The following MYO5C variants were observed in gnomAD, a reference collection of about 807,000 sequenced individuals.
The protein encoded by MYO5C is myosin VC.
MYO5C carries 194 observed loss-of-function variants against 235.7 expected under a neutral mutation model. The ratio of observed to expected loss-of-function variants is 0.82; its 90% CI spans 0.73 to 0.93. The LOEUF (loss-of-function observed/expected upper bound fraction) is 0.93, where lower values mean the gene tolerates loss of function less well. Among genes scored for constraint, MYO5C ranks in the 40% least tolerant of loss-of-function variants. The probability of loss-of-function intolerance (pLI) is 0.00; values close to 1 mark genes in which losing one functional copy is unlikely to be tolerated. For missense variants in MYO5C, 2,038 were observed against 2,127.2 expected, an observed-to-expected ratio of 0.96 and a Z score of 0.82; for synonymous variants, 707 against 754.8, an observed-to-expected ratio of 0.94 and a Z score of 1.04.
chr15:52,221,135 AAGC>A (rs768613740), intron 30 of MYO5C, 24 bp downstream of exon 30: 5 of 1,570,252 alleles, frequency 3.2e-6, no homozygotes, highest in Non-Finnish European at 4.4e-6. Flanking sequence ...CGTTTTCTAA[AAGC>A]AGGTTAATGA....
At chr15:52,245,904 A>G in intron 17 of MYO5C, 52 bp downstream of exon 17, 1 of 1,524,422 alleles carries the variant, frequency 6.6e-7, no homozygotes. Context: ...GGTTCTCAGC[A>G]TAGCTCTGAT....
rs1566969017 is a variant in MYO5C at position 52,225,121 on chromosome 15, T to C, written c.3319A>G (p.Thr1107Ala). The stretch of plus-strand genomic sequence containing the variant: ...TCATAGCTTTCGAGAAGTTGTTTGG[T>C]GATCTCTGACATCTTTTCTGAAAGG... ...REMREKMSEITKQLLESYDIE... is the reference protein window; with the variant it reads ...REMREKMSEIAKQLLESYDIE... Residue 1107 changes from threonine to alanine, a missense_variant, in exon 27 of 41, where the codon ACC becomes GCC. By Grantham distance (58) the Thr-to-Ala change is moderately conservative (BLOSUM62 0). Coordinates refer to ENST00000261839, the MANE Select transcript of MYO5C (RefSeq NM_018728.4). 6.2e-7 allele frequency: 1 copy of C among 1,614,122 alleles called. No individual in the cohort carries two copies. Among genetic ancestry groups the C allele is most frequent in the Non-Finnish European group, 8.5e-7 (1 of 1,180,008 alleles).
intron 13 of MYO5C, 132 bp downstream of exon 13, chr15:52,251,258 A>T: frequency 1.2e-6 from 1 of 821,734 alleles, no homozygotes; most frequent in Non-Finnish European, 1.8e-6. Flanking sequence ...AGGAACTGTT[A>T]AACACACACT....
intron 36 of MYO5C, among the ~76,000 whole-genome samples, chr15:52,207,502 C>A (rs555839971): frequency 1.3e-5 from 2 of 152,262 alleles, no homozygotes; most frequent in East Asian, 1.9e-4. Context: ...AACTGGTTAT[C>A]TATATGGAAG....
Position 52,279,674 on chromosome 15 carries a change from C to T in MYO5C, c.139G>A (p.Glu47Lys). 1 of 1,602,908 alleles carries T rather than the reference C, an allele frequency of 6.2e-7. No homozygotes were observed. The highest frequency in any genetic ancestry group is 1.1e-5 in the South Asian group (1 of 90,668). The change falls in exon 3 of 41, where the codon GAG becomes AAG. Residue 47 changes from glutamate (E) to lysine (K), a missense_variant and splice_region_variant. By Grantham distance (56) the Glu-to-Lys change is moderately conservative (BLOSUM62 1). Transcript: ENST00000261839. ...VLRLLLEDGT[E>K]LDYSVNPESL... ...TCTGGATTGACAGAATAATCCAGCT[C>T]CTATGGACAAAGATAAAAATTAAAG...
chr15:52,221,940 G>C (rs1389121862), intron 29 of MYO5C, among the ~76,000 whole-genome samples: 1 of 152,168 alleles, frequency 6.6e-6, no homozygotes, highest in Non-Finnish European at 1.5e-5. Context: ...TATGCATTTA[G>C]TAGAAACCAT....
At chr15:52,195,491 G>T in intron 39 of MYO5C, 34 bp from the exon 40 acceptor site, 2 of 1,395,380 alleles carry the variant, frequency 1.4e-6, no homozygotes, top group Non-Finnish European at 2.0e-6. Flanking sequence ...GTTAGACCAT[G>T]CAAAATAATA....
Position 52,204,959 on chromosome 15 carries a change from C to A in MYO5C, c.4726G>T (p.Val1576Leu), listed in dbSNP as rs756503002. ...CCGATCAAGAAGAAGAGCTGCTTCA[C>A]CGCCTGCCTCACAAGCTCGGGGTCC... ...GLDPELVRQA[V>L]KQLFFLIGAV... Residue 1576 changes from valine (V) to leucine (L), a missense_variant, in exon 38 of 41, where the codon GTG (valine) becomes TTG (leucine). By Grantham distance (32) the Val-to-Leu change is conservative (BLOSUM62 1). Coordinates refer to ENST00000261839, the MANE Select transcript of MYO5C (RefSeq NM_018728.4). 6.2e-7 allele frequency: 1 copy of A among 1,614,254 alleles called. No homozygotes were observed. Among genetic ancestry groups the A allele is most frequent in the East Asian group, 2.2e-5 (1 of 44,876 alleles).
At chr15:52,194,694 CTT>C (rs1317683612) in intron 40 of MYO5C, among the ~76,000 whole-genome samples, 23 of 151,482 alleles carry the variant, frequency 1.5e-4, no homozygotes, top group Non-Finnish European at 2.8e-4. Flanking sequence ...TCATGTCTGA[CTT>C]AATATATTAT....
intron 1 of MYO5C, 30 bp downstream of exon 1, chr15:52,295,580 C>A (rs1382414826): frequency 1.3e-6 from 2 of 1,500,816 alleles, no homozygotes; most frequent in Admixed American, 2.2e-5. Flanking sequence ...TCCCCCACAG[C>A]GCTCCCAGGA....
At position 52,211,813 on chromosome 15, in the gene MYO5C, GCA is replaced by G; in HGVS notation, c.4211_4212del (p.Val1404AlafsTer8). On this transcript the variant is annotated frameshift_variant, in exon 35 of 41. Coordinates refer to ENST00000261839, the MANE Select transcript of MYO5C (RefSeq NM_018728.4). LOFTEE classifies it high-confidence loss of function. ...GCATCATTCAGAGAGTCTGCGTAGCGCACACACATGAACAGGATATGAGCCGG... is the reference window on the plus strand; with the variant it reads ...GCATCATTCAGAGAGTCTGCGTAGCGCACACATGAACAGGATATGAGCCGG... ...GLPAHILFMC[V>X]RYADSLNDAN... 1 of 1,614,134 alleles carries G rather than the reference GCA, an allele frequency of 6.2e-7. No individual in the cohort carries two copies. Among genetic ancestry groups the G allele is most frequent in the Non-Finnish European group, 8.5e-7 (1 of 1,180,014 alleles).
chr15:52,196,049 A>C (rs1282342268), intron 39 of MYO5C, among the ~76,000 whole-genome samples: 1 of 142,204 alleles, frequency 7.0e-6, no homozygotes, highest in African/African-American at 2.7e-5. Context: ...GGGCTCAGGC[A>C]ATCCTCCCAC....
chr15:52,277,859 C>T (rs1295047077), intron 4 of MYO5C: 6 of 455,802 alleles, frequency 1.3e-5, no homozygotes, highest in South Asian at 9.3e-5. Flanking sequence ...GTAAGCACCA[C>T]CTGCTCCCTC....
chr15:52,238,893 A>G (rs1037362531), intron 21 of MYO5C, among the ~76,000 whole-genome samples: 4 of 151,774 alleles, frequency 2.6e-5, no homozygotes, highest in Admixed American at 6.6e-5. Context: ...CACCCGCCTC[A>G]GCCTCCCAAA....
At chr15:52,197,261 T>C (rs1380238621) in intron 38 of MYO5C, among the ~76,000 whole-genome samples, 1 of 152,196 alleles carries the variant, frequency 6.6e-6, no homozygotes. Context: ...GATGAATGAA[T>C]GAACAAACTG....
chr15:52,256,742 T>C, intron 10 of MYO5C, 22 bp from the exon 11 acceptor site: 5 of 1,573,546 alleles, frequency 3.2e-6, no homozygotes, highest in Non-Finnish European at 4.4e-6. Flanking sequence ...TTTAAACAAG[T>C]TAAAATATAA....
chr15:52,225,374 G>A, intron 26 of MYO5C, 65 bp downstream of exon 26: 1 of 1,329,044 alleles, frequency 7.5e-7, no homozygotes, highest in African/African-American at 1.4e-5. Flanking sequence ...CGTTTCCTTA[G>A]CAGCGACACA....
At chr15:52,263,248 T>C (rs776504157) in intron 9 of MYO5C, among the ~76,000 whole-genome samples, 6 of 152,228 alleles carry the variant, frequency 3.9e-5, no homozygotes, top group African/African-American at 1.4e-4. Context: ...CTGTGTTTCA[T>C]AGAAACATTT....
Position 52,211,877 on chromosome 15 carries a change from C to T in MYO5C, c.4149G>A (p.Lys1383=), listed in dbSNP as rs1362900982. 1.9e-6 allele frequency: 3 copies of T among 1,613,540 alleles called. No individual in the cohort carries two copies. The highest frequency in any genetic ancestry group is 4.5e-5 in the East Asian group (2 of 44,902). ...KLIQNLILDL[K]PRGVVVNMIP... ...TCATGTTCACCACCACGCCACGGGG[C>T]TTCAAGTCTGAAGCAGAGAGAGCCA... The change falls in exon 35 of 41, where the codon AAG becomes AAA. Residue 1383 remains lysine, a synonymous_variant. Transcript: ENST00000261839.
Sources: gnomAD v4.1 joint callset for allele counts (sites outside exome capture counted in the v4.1 genomes callset) on GRCh38, gnomAD v4.1.1 for gene constraint, MANE v1.5 for transcripts, NCBI Gene and HGNC (gene_info 2026-07-23, HGNC 2026-07-21) for gene names.